Variants in PHACTR1 observed in about 807,000 individuals in gnomAD.
PHACTR1 encodes the protein phosphatase and actin regulator 1.
Under a neutral mutation model 69.2 loss-of-function variants are expected in PHACTR1, and 16 were observed. That is an observed-to-expected ratio of 0.23 (90% CI 0.16 to 0.35). The LOEUF is 0.35. Among genes scored for constraint, PHACTR1 ranks in the 10% least tolerant of loss-of-function variants. PHACTR1 has a pLI of 1.00. For missense variants in PHACTR1, 510 were observed against 734.7 expected, an observed-to-expected ratio of 0.69 and a Z score of 3.54; for synonymous variants, 312 against 284.5, an observed-to-expected ratio of 1.10 and a Z score of -0.97.
chr6:12,804,741 G>A (rs1774106553), intron 4 of PHACTR1, among the ~76,000 whole-genome samples: 1 of 152,160 alleles, frequency 6.6e-6, no homozygotes, highest in African/African-American at 2.4e-5. Flanking sequence ...TGAGGTTGCA[G>A]TGAGCTGAAA....
intron 4 of PHACTR1, among the ~76,000 whole-genome samples, chr6:12,823,743 T>C (rs887911852): frequency 6.6e-6 from 1 of 152,220 alleles, no homozygotes; most frequent in Non-Finnish European, 1.5e-5. Flanking sequence ...GTTTTTATAA[T>C]GGGGCAGAAC....
chr6:13,067,873 T>C (rs548985797), intron 5 of PHACTR1, among the ~76,000 whole-genome samples: 1 of 152,312 alleles, frequency 6.6e-6, no homozygotes, highest in South Asian at 2.1e-4. Context: ...TATGTGTGGC[T>C]ACTTACTTCT....
intron 4 of PHACTR1, among the ~76,000 whole-genome samples, chr6:12,750,167 G>C (rs1276123959): frequency 6.6e-6 from 1 of 152,236 alleles, no homozygotes. Context: ...CTACGGGGTG[G>C]AACTTGTTGG....
intron 13 of PHACTR1, among the ~76,000 whole-genome samples, chr6:13,285,723 G>T (rs1181971872): frequency 6.6e-6 from 1 of 152,196 alleles, no homozygotes; most frequent in African/African-American, 2.4e-5. Flanking sequence ...CCCTAATTTG[G>T]TTGGAGAATT....
chr6:13,150,758 G>A (rs1824184405), intron 5 of PHACTR1, among the ~76,000 whole-genome samples: 1 of 151,998 alleles, frequency 6.6e-6, no homozygotes, highest in Non-Finnish European at 1.5e-5. Context: ...TTTTCTCATT[G>A]CTCCCCTTTC....
At chr6:13,133,405 T>G (rs1479680925) in intron 5 of PHACTR1, among the ~76,000 whole-genome samples, 1 of 151,702 alleles carries the variant, frequency 6.6e-6, no homozygotes, top group East Asian at 1.9e-4. Context: ...CTGATTCTCC[T>G]GCCTCAGCCT....
At chr6:13,105,383 G>A (rs1468303259) in intron 5 of PHACTR1, among the ~76,000 whole-genome samples, 2 of 151,976 alleles carry the variant, frequency 1.3e-5, no homozygotes, top group South Asian at 2.1e-4. Context: ...TGTCTCTGGC[G>A]TGTGTGTCGG....
At chr6:13,040,907 C>G (rs189315267) in intron 4 of PHACTR1, among the ~76,000 whole-genome samples, 160 of 152,264 alleles carry the variant, frequency 1.1e-3, no homozygotes, top group African/African-American at 3.7e-3. Flanking sequence ...CACAGCAAGT[C>G]ATGATTAAAT....
intron 8 of PHACTR1, among the ~76,000 whole-genome samples, chr6:13,212,884 T>G (rs1436528326): frequency 6.6e-6 from 1 of 152,184 alleles, no homozygotes; most frequent in Non-Finnish European, 1.5e-5. Flanking sequence ...CGTTCAATAT[T>G]GCAACCCTCC....
intron 4 of PHACTR1, among the ~76,000 whole-genome samples, chr6:12,998,858 A>C (rs975035782): frequency 1.3e-5 from 2 of 152,218 alleles, no homozygotes; most frequent in African/African-American, 4.8e-5. Context: ...ATGAGCAAGT[A>C]ATTTGTAGAC....
At chr6:13,142,438 G>A (rs889486197) in intron 5 of PHACTR1, among the ~76,000 whole-genome samples, 8 of 152,160 alleles carry the variant, frequency 5.3e-5, no homozygotes, top group African/African-American at 1.7e-4. Flanking sequence ...GTATGTGTAT[G>A]TACTTGTCCT....
chr6:12,951,230 T>C (rs1791256053), intron 4 of PHACTR1, among the ~76,000 whole-genome samples: 2 of 152,196 alleles, frequency 1.3e-5, no homozygotes, highest in South Asian at 2.1e-4. Flanking sequence ...GGAAGCTCTA[T>C]GTGAAACTGT....
At chr6:13,207,233 G>A (rs557738237) in intron 8 of PHACTR1, among the ~76,000 whole-genome samples, 33 of 152,110 alleles carry the variant, frequency 2.2e-4, no homozygotes, top group Non-Finnish European at 3.5e-4. Flanking sequence ...TTAATTCTGT[G>A]TATATTACTT....
At chr6:13,053,777 C>T (rs138926317) in intron 5 of PHACTR1, among the ~76,000 whole-genome samples, 21 of 152,228 alleles carry the variant, frequency 1.4e-4, no homozygotes, top group African/African-American at 3.9e-4. Flanking sequence ...ATTTGATCTA[C>T]GAATAATCTG....
intron 4 of PHACTR1, among the ~76,000 whole-genome samples, chr6:12,776,315 CAATT>C (rs1404128292): frequency 3.5e-4 from 53 of 152,172 alleles, no homozygotes; most frequent in African/African-American, 1.2e-3. Context: ...TTACCGTTTA[CAATT>C]TAATTTGGTC....
intron 5 of PHACTR1, among the ~76,000 whole-genome samples, chr6:13,143,050 C>T (rs1822752027): frequency 6.6e-6 from 1 of 152,248 alleles, no homozygotes; most frequent in East Asian, 1.9e-4. Context: ...CACATGTTCT[C>T]ACTTATTTTG....
At chr6:13,196,400 A>G (rs3864315) in intron 7 of PHACTR1, 12,593 of 149,268 alleles carry the variant, frequency 0.084, 1,284 homozygotes, top group East Asian at 0.57. Flanking sequence ...AGACTCCTAG[A>G]TCATCCACTG....
chr6:13,166,018 C>T (rs79680184), intron 6 of PHACTR1, among the ~76,000 whole-genome samples: 1 of 152,168 alleles, frequency 6.6e-6, no homozygotes, highest in East Asian at 1.9e-4. Flanking sequence ...CCCTAACTTT[C>T]GTTTTCACTC....
chr6:12,869,924 A>G (rs1305345980), intron 4 of PHACTR1, among the ~76,000 whole-genome samples: 2 of 152,186 alleles, frequency 1.3e-5, no homozygotes, highest in Non-Finnish European at 2.9e-5. Context: ...TGTGTCAGGC[A>G]TTGTCCCTGG....
Sources: allele counts gnomAD v4.1 joint callset (sites outside exome capture counted in the v4.1 genomes callset), GRCh38; gene constraint gnomAD v4.1.1; transcripts MANE v1.5; gene names NCBI Gene and HGNC (gene_info 2026-07-23, HGNC 2026-07-21).